The following HOOK3 variants were observed in gnomAD, a reference collection of about 807,000 sequenced individuals.
HOOK3 encodes the protein hook microtubule tethering protein 3.
A neutral mutation model predicts 116.3 loss-of-function variants in HOOK3; 24 were observed. The ratio of observed to expected loss-of-function variants is 0.21; its 90% CI spans 0.15 to 0.29. The LOEUF (loss-of-function observed/expected upper bound fraction) is 0.29, where lower values mean the gene tolerates loss of function less well. Ranked by LOEUF, HOOK3 falls within the 10% of genes least tolerant of loss-of-function variation. HOOK3 has a pLI of 1.00. For missense variants in HOOK3, 632 were observed against 830.2 expected (o/e 0.76, Z 2.93); for synonymous variants, 275 against 283.0 (o/e 0.97, Z 0.28).
chr8:42,992,707 T>G (rs866329913), intron 15 of HOOK3, among the ~76,000 whole-genome samples: 2 of 113,124 alleles, frequency 1.8e-5, no homozygotes, highest in African/African-American at 7.6e-5. Flanking sequence ...AGAGACTCCA[T>G]CTCAAAAAAA....
intron 4 of HOOK3, among the ~76,000 whole-genome samples, chr8:42,937,449 T>C (rs1807994535): frequency 6.6e-6 from 1 of 151,932 alleles, no homozygotes; most frequent in African/African-American, 2.4e-5. Context: ...AATTGTTTGC[T>C]CTTGCTTCTC....
At chr8:43,002,425 C>T (rs1219568839) in intron 17 of HOOK3, among the ~76,000 whole-genome samples, 2 of 152,176 alleles carry the variant, frequency 1.3e-5, no homozygotes, top group African/African-American at 2.4e-5. Flanking sequence ...TCAGACACCT[C>T]TTTCTATAAG....
intron 11 of HOOK3, among the ~76,000 whole-genome samples, chr8:42,970,007 A>G (rs1417936905): frequency 6.6e-6 from 1 of 152,192 alleles, no homozygotes; most frequent in Non-Finnish European, 1.5e-5. Flanking sequence ...ATTATTTCCT[A>G]TATAAGGTTA....
At chr8:42,925,193 G>A (rs1027148081) in intron 2 of HOOK3, among the ~76,000 whole-genome samples, 4 of 151,932 alleles carry the variant, frequency 2.6e-5, no homozygotes, top group Admixed American at 2.0e-4. Context: ...TGCCTCCCGG[G>A]TTCAAGGGAT....
At position 42,959,257 on chromosome 8, in the gene HOOK3, T is replaced by C; in HGVS notation, c.558T>C (p.Asn186=). Residue 186 remains asparagine (N), a synonymous_variant, in exon 8 of 22, where the codon AAT becomes AAC. Transcript: ENST00000307602. The part of the protein sequence containing the change: ...RQLKKTTEEL[N]EALSAKEEIA... Reference sequence around the variant, plus strand: ...TGAAGAAAACTACAGAGGAACTAAATGAAGCTTTGTCAGCAAAGGAAGAAA... The same window carrying C: ...TGAAGAAAACTACAGAGGAACTAAACGAAGCTTTGTCAGCAAAGGAAGAAA... The C allele has an allele frequency of 6.2e-7, 1 of 1,613,684 alleles. No individual in the cohort carries two copies. The highest frequency in any genetic ancestry group is 2.2e-5 in the East Asian group (1 of 44,874).
chr8:42,927,823 C>A (rs1045842505), intron 3 of HOOK3, among the ~76,000 whole-genome samples: 1 of 152,120 alleles, frequency 6.6e-6, no homozygotes, highest in Admixed American at 6.5e-5. Flanking sequence ...AGTCCGGTCT[C>A]GAACTCCTGG....
At chr8:42,966,258 G>A (rs1201512640) in intron 9 of HOOK3, among the ~76,000 whole-genome samples, 2 of 152,120 alleles carry the variant, frequency 1.3e-5, no homozygotes, top group Non-Finnish European at 2.9e-5. Context: ...TTCTGGTAGG[G>A]AAATAGTAAC....
chr8:42,942,095 C>T (rs1035084036), intron 4 of HOOK3, among the ~76,000 whole-genome samples: 7 of 152,036 alleles, frequency 4.6e-5, no homozygotes, highest in Admixed American at 4.6e-4. Flanking sequence ...CCCGTCTCTA[C>T]TAAAAATACA....
chr8:43,026,205 T>C lies in HOOK3; in HGVS notation c.*7707T>C, dbSNP rs2130506644. Reference sequence around the variant, plus strand: ...TTATTCTGGTGTATTTGTCAACCCATGGGTAGTGATTACTCCGTGTACATT... The same window carrying C: ...TTATTCTGGTGTATTTGTCAACCCACGGGTAGTGATTACTCCGTGTACATT... On this transcript the variant is annotated 3_prime_UTR_variant, in exon 22 of 22. Transcript: ENST00000307602. The C allele has an allele frequency of 4.9e-6, 1 of 203,116 alleles. No individual in the cohort carries two copies. The highest frequency in any genetic ancestry group is 1.9e-4 in the South Asian group (1 of 5,254). 12.6% of individuals were successfully genotyped at this position (203,116 alleles called of 1,614,324 possible).
At chr8:42,939,421 T>C (rs62515922) in intron 4 of HOOK3, among the ~76,000 whole-genome samples, 8 of 115,322 alleles carry the variant, frequency 6.9e-5, no homozygotes, top group African/African-American at 1.7e-4. Context: ...CCCTCCCGGA[T>C]GGGGCAGCTG....
At chr8:42,901,628 A>G (rs1302148717) in intron 1 of HOOK3, among the ~76,000 whole-genome samples, 5 of 152,228 alleles carry the variant, frequency 3.3e-5, no homozygotes, top group African/African-American at 1.2e-4. Context: ...CTCAAGGGCT[A>G]ATACAGAGAA....
chr8:42,918,098 T>G (rs1488736815), intron 2 of HOOK3, among the ~76,000 whole-genome samples: 11 of 152,162 alleles, frequency 7.2e-5, no homozygotes, highest in African/African-American at 2.7e-4. Flanking sequence ...AAAATTACAT[T>G]GGGCCGAGGC....
chr8:42,956,334 A>G (rs1316562836), intron 6 of HOOK3, among the ~76,000 whole-genome samples: 2 of 151,868 alleles, frequency 1.3e-5, no homozygotes, highest in African/African-American at 4.8e-5. Flanking sequence ...TTAGAAATAA[A>G]TAGTATTGCT....
At chr8:42,977,334 T>C (rs1021995832) in intron 13 of HOOK3, among the ~76,000 whole-genome samples, 2 of 152,142 alleles carry the variant, frequency 1.3e-5, no homozygotes, top group Non-Finnish European at 2.9e-5. Context: ...ACCTGGGGAC[T>C]CCCTGTCTTG....
rs753654229 is a variant in HOOK3 at position 42,997,543 on chromosome 8, T to C, written c.1533-7T>C. On this transcript the variant is annotated splice_region_variant and splice_polypyrimidine_tract_variant and intron_variant, in intron 15 of 21. Transcript: ENST00000307602. ...ACTTGGAAAATTAATGTACATTTCA[T>C]TTCTAGGCTGGTGAATCAAAGACTT... 1 of 1,580,882 alleles carries C rather than the reference T, an allele frequency of 6.3e-7. No homozygotes were observed. Among genetic ancestry groups the C allele is most frequent in the Non-Finnish European group, 8.7e-7 (1 of 1,155,276 alleles).
Position 43,023,387 on chromosome 8 carries a change from CTCCTTCCTTCCT to C in HOOK3, c.*4913_*4924del, listed in dbSNP as rs146546928. On this transcript the variant is annotated 3_prime_UTR_variant, in exon 22 of 22. Transcript: ENST00000307602. Reference sequence around the variant, plus strand: ...CCACTTTGCTATCTCTCCTTCCTTCCTCCTTCCTTCCTTCCTTCCTTCCTTCCTTCCTTCCCT... The same window carrying C: ...CCACTTTGCTATCTCTCCTTCCTTCCTCCTTCCTTCCTTCCTTCCTTCCCT... 40 of 146,274 alleles carry C rather than the reference CTCCTTCCTTCCT, an allele frequency of 2.7e-4. 1 individual carries two copies. The highest frequency in any genetic ancestry group is 7.3e-4 in the African/African-American group (28 of 38,344). 9.1% of individuals were successfully genotyped at this position (146,274 alleles called of 1,614,324 possible).
chr8:43,007,979 C>T (rs780255994), intron 18 of HOOK3, 50 bp downstream of exon 18: 19 of 841,812 alleles, frequency 2.3e-5, no homozygotes, highest in Middle Eastern at 4.6e-4. Context: ...CTGTATACTG[C>T]CATAGTGATA....
intron 8 of HOOK3, among the ~76,000 whole-genome samples, chr8:42,961,840 G>A (rs1241045162): frequency 6.6e-6 from 1 of 152,206 alleles, no homozygotes; most frequent in Non-Finnish European, 1.5e-5. Flanking sequence ...AGGCTAGAGT[G>A]CAGTGGTGCA....
At chr8:42,910,682 G>A (rs1203295022) in intron 2 of HOOK3, among the ~76,000 whole-genome samples, 1 of 152,152 alleles carries the variant, frequency 6.6e-6, no homozygotes, top group Admixed American at 6.5e-5. Flanking sequence ...GTTGTATGAT[G>A]TATACAACCT....
Sources: gnomAD v4.1 joint callset for allele counts (sites outside exome capture counted in the v4.1 genomes callset) on GRCh38, gnomAD v4.1.1 for gene constraint, MANE v1.5 for transcripts, NCBI Gene and HGNC (gene_info 2026-07-23, HGNC 2026-07-21) for gene names.